The following APOB variants were observed in gnomAD, a reference collection of about 807,000 sequenced individuals.
The protein encoded by APOB is apolipoprotein B-100.
In APOB, 153 loss-of-function variants were observed where a neutral mutation model predicts 314.1. The ratio of observed to expected loss-of-function variants is 0.49; its 90% CI spans 0.43 to 0.56. The LOEUF (loss-of-function observed/expected upper bound fraction) is 0.56, where lower values mean the gene tolerates loss of function less well. APOB is among the 20% of genes least tolerant of loss of function. The pLI, the probability that APOB is intolerant of heterozygous loss-of-function variation, is 0.00. For synonymous variants in APOB, 2,087 were observed against 2,036.4 expected (o/e 1.02, Z -0.67); for missense variants, 5,430 against 5,350.7 (o/e 1.01, Z -0.46).
At chr2:21,018,928 T>G in intron 20 of APOB, 64 bp downstream of exon 20, 3 of 1,611,292 alleles carry the variant, frequency 1.9e-6, no homozygotes, top group Non-Finnish European at 2.5e-6. Context: ...ACATGTCTTC[T>G]CCTCATGAAT....
In APOB at chr2:21,035,950, C is replaced by A. The variant is rs368606156; in HGVS notation, c.694-242G>T. Among the ~76,000 whole-genome samples, 4 of 152,222 alleles carry A rather than the reference C, an allele frequency of 2.6e-5. No individual in the cohort carries two copies. The South Asian group carries it at 8.3e-4, about 31-fold the overall frequency. ...GGACAATGTCTAAACTTTGTATCCT[C>A]CACATGCCCATCCCACCACATAGCC... On this transcript the variant is annotated intron_variant, in intron 6 of 28. Coordinates refer to ENST00000233242, the MANE Select transcript of APOB (RefSeq NM_000384.3).
intron 21 of APOB, 56 bp downstream of exon 21, chr2:21,016,383 T>A: frequency 1.1e-6 from 1 of 929,590 alleles, no homozygotes; most frequent in Non-Finnish European, 1.8e-6. Flanking sequence ...AGAGGAATAA[T>A]GAAAAGAACC....
In APOB at chr2:21,012,655, A is replaced by G. The variant is rs72653081; in HGVS notation, c.4217-4T>C. ...TCATATGTTGTTTCTCCAGATCCTA[A>G]CATAAAAATGAAAAGACATTGGTTA... On this transcript the variant is annotated splice_polypyrimidine_tract_variant and splice_region_variant and intron_variant, in intron 25 of 28. Transcript: ENST00000233242. 2.5e-6 allele frequency: 4 copies of G among 1,610,278 alleles called. No individual in the cohort carries two copies. Among genetic ancestry groups the G allele is most frequent in the Non-Finnish European group, 3.4e-6 (4 of 1,179,420 alleles).
chr2:21,005,079 C>A lies in APOB; in HGVS notation c.11788+1G>T, dbSNP rs1558560347. On this transcript the variant is annotated splice_donor_variant, in intron 26 of 28. Transcript: ENST00000233242. LOFTEE classifies it high-confidence loss of function. The stretch of plus-strand genomic sequence containing the variant: ...AGGAGAGGAGGCAGGATATTTCTTA[C>A]CATTTAGTTCATATTCTAGGAACTG... The A allele has an allele frequency of 6.2e-7, 1 of 1,613,590 alleles. No homozygotes were observed. The highest frequency in any genetic ancestry group is 8.5e-7 in the Non-Finnish European group (1 of 1,179,832).
In APOB at chr2:21,016,712, C is replaced by T. The variant is rs12713868; in HGVS notation, c.3122-63G>A. On this transcript the variant is annotated intron_variant, in intron 20 of 28. Transcript: ENST00000233242. ...AAGAAGCTATGTTTTGGGCCGGGTG[C>T]GGTGGCTCACACCTGTAATCCCAGC... 1.7e-3 allele frequency: 1,827 copies of T among 1,078,592 alleles called. 22 individuals are homozygous for T. In the East Asian group the frequency reaches 0.017, roughly 10 times the overall value. The allele number at this position is 1,078,592 out of a possible 1,614,324, so 66.8% of individuals were successfully genotyped here. A position where few individuals can be genotyped will look rare whatever the true frequency, so the allele number is the denominator to read the frequency against.
intron 1 of APOB, 65 bp downstream of exon 1, chr2:21,043,799 G>A (rs1489782555): frequency 1.3e-6 from 2 of 1,527,756 alleles, no homozygotes; most frequent in Non-Finnish European, 1.7e-6. Context: ...AGGCTGCCCC[G>A]GCCAACCTCG....
At position 21,034,805 on chromosome 2, in the gene APOB, G is replaced by A. The variant is rs148944625; in HGVS notation, c.904+11C>T. The A allele has an allele frequency of 6.5e-7, 1 of 1,533,406 alleles. No homozygotes were observed. The highest frequency in any genetic ancestry group is 1.4e-5 in the African/African-American group (1 of 73,252). 95.0% of individuals were successfully genotyped at this position (1,533,406 alleles called of 1,614,324 possible). On this transcript the variant is annotated intron_variant, in intron 8 of 28. Coordinates refer to ENST00000233242, the MANE Select transcript of APOB (RefSeq NM_000384.3). ...AGATTTTCCAGCAACTATGTGGACA[G>A]AAACTCTTACCTTCACCAAAGAAGC...
rs1204971622 is a variant in APOB at position 21,004,233 on chromosome 2, C to T, written c.12087+36G>A. ...TGTATCTGCCCCAATTCTCCACTCG[C>T]TCTTGGGGGCGTGTCACTCATTAGG... On this transcript the variant is annotated intron_variant, in intron 28 of 28. Coordinates refer to ENST00000233242, the MANE Select transcript of APOB (RefSeq NM_000384.3). 5.0e-6 allele frequency: 8 copies of T among 1,606,946 alleles called. No individual in the cohort carries two copies. In the Admixed American group the frequency reaches 1.3e-4, roughly 27 times the overall value.
intron 2 of APOB, among the ~76,000 whole-genome samples, chr2:21,043,137 A>G (rs1664173792): frequency 6.6e-6 from 1 of 151,150 alleles, no homozygotes; most frequent in Admixed American, 6.6e-5. Flanking sequence ...GTAAATAGGA[A>G]GGGGGTGGAG....
chr2:21,043,899 G>C lies in APOB; in HGVS notation c.47C>G (p.Ala16Gly). 1 of 1,428,818 alleles carries C rather than the reference G, an allele frequency of 7.0e-7. No individual in the cohort carries two copies. The highest frequency in any genetic ancestry group is 9.1e-7 in the Non-Finnish European group (1 of 1,093,608). The allele number at this position is 1,428,818 out of a possible 1,614,324, so 88.5% of individuals were successfully genotyped here. ...GCCCGCCAGCAGCAGCAGCAGCAGCGCAGGCAGCGCCAGCAGCGCCAGCAG... is the reference window on the plus strand; with the variant it reads ...GCCCGCCAGCAGCAGCAGCAGCAGCCCAGGCAGCGCCAGCAGCGCCAGCAG... The part of the protein sequence containing the change: ...PALLALLALP[A>G]LLLLLLAGAR... Residue 16 changes from alanine to glycine, a missense_variant, in exon 1 of 29, where the codon GCG becomes GGG. Ala to Gly is a moderately conservative substitution (Grantham distance 60). Coordinates refer to ENST00000233242, the MANE Select transcript of APOB (RefSeq NM_000384.3).
intron 2 of APOB, 40 bp downstream of exon 2, chr2:21,043,473 G>A: frequency 6.3e-7 from 1 of 1,582,502 alleles, no homozygotes; most frequent in South Asian, 1.2e-5. Context: ...GAGTGCACGG[G>A]GCTGGGCGCC....
chr2:21,025,175 C>T lies in APOB; in HGVS notation c.2245-51G>A, dbSNP rs560841646. On this transcript the variant is annotated intron_variant, in intron 15 of 28. Transcript: ENST00000233242. The stretch of plus-strand genomic sequence containing the variant: ...AGTGAGATGTCAGCAATGTCAAACA[C>T]CTTTCAGTTCCCAATGTGGGACCTG... 32 of 1,568,084 alleles carry T rather than the reference C, an allele frequency of 2.0e-5. No homozygotes were observed. The South Asian group carries it at 3.2e-4, about 16-fold the overall frequency.
At position 21,009,113 on chromosome 2, in the gene APOB, G is replaced by A; in HGVS notation, c.7755C>T (p.Phe2585=). The change falls in exon 26 of 29, where the codon TTC becomes TTT. Residue 2585 remains phenylalanine (F), a synonymous_variant. Transcript: ENST00000233242. ...GGATGGTCTTGATTTCAGGAACAGT[G>A]AACCCTTGCTCTACCAATGCTTTCA... ...KRMKALVEQG[F]TVPEIKTILG... is the part of the protein sequence containing the mutation. 6.2e-7 allele frequency: 1 copy of A among 1,614,038 alleles called. No individual in the cohort carries two copies. The highest frequency in any genetic ancestry group is 8.5e-7 in the Non-Finnish European group (1 of 1,179,938).
chr2:21,029,992 C>G lies in APOB; in HGVS notation c.1376G>C (p.Gly459Ala). ...VNNYHKTNPT[G>A]TQELLDIANY... is the part of the protein sequence containing the mutation. ...AGCAATGTCCAGCAGCTCCTGGGTC[C>G]CTGTAGGGTTTGTCTTATGATAGCT... The change falls in exon 11 of 29, where the codon GGG (glycine) becomes GCG (alanine). Residue 459 changes from glycine (G) to alanine (A), a missense_variant. Physicochemically the swap from Gly to Ala is moderately conservative, Grantham distance 60 (BLOSUM62 0). Around this residue, in one of 3 missense-constraint regions of APOB, gnomAD observed 2,085 missense variants for 2,079.7 expected, o/e 1.00. Transcript: ENST00000233242. 6.2e-7 allele frequency: 1 copy of G among 1,613,154 alleles called. No homozygotes were observed. Among genetic ancestry groups the G allele is most frequent in the Non-Finnish European group, 8.5e-7 (1 of 1,179,124 alleles).
rs72653055 is a variant in APOB at position 21,043,063 on chromosome 2, G to C, written c.121+450C>G. 4.8e-3 allele frequency among the ~76,000 whole-genome samples: 710 copies of C among 148,748 alleles called. 4 individuals carry two copies. The highest frequency in any genetic ancestry group is 0.017 in the African/African-American group (690 of 40,068). ...GGCGGTGCTGCCCCATCAGAAGTCC[G>C]CCCCGCGGCTCCAGCACACAGGGTC... On this transcript the variant is annotated intron_variant, in intron 2 of 28. Transcript: ENST00000233242.
Position 21,012,658 on chromosome 2 carries a change from T to C in APOB, c.4217-7A>G. 6.2e-7 allele frequency: 1 copy of C among 1,609,746 alleles called. No individual in the cohort carries two copies. The stretch of plus-strand genomic sequence containing the variant: ...TATGTTGTTTCTCCAGATCCTAACA[T>C]AAAAATGAAAAGACATTGGTTAAAT... On this transcript the variant is annotated splice_polypyrimidine_tract_variant and splice_region_variant and intron_variant, in intron 25 of 28. Transcript: ENST00000233242.
Position 21,032,569 on chromosome 2 carries a change from T to C in APOB, c.1137A>G (p.Leu379=), listed in dbSNP as rs140147855. 1.2e-6 allele frequency: 2 copies of C among 1,613,750 alleles called. No individual in the cohort carries two copies. Among genetic ancestry groups the C allele is most frequent in the African/African-American group, 2.7e-5 (2 of 74,872 alleles). ...QLIEVSSPIT[L]QALVQCGQPQ... Reference sequence around the variant, plus strand: ...GCTGTCCACACTGAACCAAGGCTTGTAAAGTGATGGGGCTGAGAAGAAAGA... The same window carrying C: ...GCTGTCCACACTGAACCAAGGCTTGCAAAGTGATGGGGCTGAGAAGAAAGA... Residue 379 remains leucine, a synonymous_variant, in exon 10 of 29, where the codon TTA becomes TTG. Coordinates refer to ENST00000233242, the MANE Select transcript of APOB (RefSeq NM_000384.3).
In APOB at chr2:21,007,924, T is replaced by G. The variant is rs1460637587; in HGVS notation, c.8944A>C (p.Asn2982His). 6.2e-7 allele frequency: 1 copy of G among 1,613,960 alleles called. No individual in the cohort carries two copies. Among genetic ancestry groups the G allele is most frequent in the East Asian group, 2.2e-5 (1 of 44,888 alleles). Residue 2982 changes from asparagine (N) to histidine (H), a missense_variant, in exon 26 of 29, where the codon AAC (asparagine) becomes CAC (histidine). Coordinates refer to ENST00000233242, the MANE Select transcript of APOB (RefSeq NM_000384.3). ...GATTGAATTTCAAGTTTAGAAAAGT[T>G]GAGGGAGCCAGATTCATAAACCAAG... is the stretch of plus-strand genomic sequence containing the variant. ...QNLVYESGSL[N>H]FSKLEIQSQV...
intron 16 of APOB, chr2:21,024,074 T>A (rs1663677936): frequency 6.2e-6 from 1 of 160,944 alleles, no homozygotes; most frequent in Admixed American, 6.1e-5. Flanking sequence ...TAAAATCAAT[T>A]TTTTGAAACC....
Sources: gnomAD v4.1 joint callset for allele counts (sites outside exome capture counted in the v4.1 genomes callset) on GRCh38, gnomAD v4.1.1 for gene constraint, gnomAD v4.1.1 regional missense constraint, MANE v1.5 for transcripts, NCBI Gene and HGNC (gene_info 2026-07-23, HGNC 2026-07-21) for gene names.